The following CACNA1C variants were observed in gnomAD, a reference collection of about 807,000 sequenced individuals.
CACNA1C encodes the protein voltage-dependent L-type calcium channel subunit alpha-1C.
CACNA1C carries 30 observed loss-of-function variants against 229.0 expected under a neutral mutation model. That is an observed-to-expected ratio of 0.13 (90% CI 0.10 to 0.18). The LOEUF (loss-of-function observed/expected upper bound fraction) is 0.18. Among genes scored for constraint, CACNA1C ranks in the 10% least tolerant of loss-of-function variants. The pLI is 1.00. For synonymous variants in CACNA1C, 1,114 were observed against 1,132.5 expected (o/e 0.98, Z 0.33); for missense variants, 1,658 against 2,845.0 (o/e 0.58, Z 9.49).
intron 3 of CACNA1C, among the ~76,000 whole-genome samples, chr12:2,401,397 C>G (rs538141436): frequency 2.0e-5 from 3 of 152,260 alleles, no homozygotes; most frequent in African/African-American, 7.2e-5. Context: ...ATTTCACACC[C>G]TTGTGACAAA....
At position 2,383,790 on chromosome 12, in the gene CACNA1C, G is replaced by A. The variant is rs148664824; in HGVS notation, c.478-65186G>A. Among the ~76,000 whole-genome samples the A allele has an allele frequency of 2.0e-3, 302 of 152,318 alleles. 2 individuals are homozygous for A. The highest frequency in any genetic ancestry group is 7.0e-3 in the African/African-American group (292 of 41,580). On this transcript the variant is annotated intron_variant, in intron 3 of 46. Coordinates refer to ENST00000399655, the MANE Select transcript of CACNA1C (RefSeq NM_000719.7). ...CAGTGAGAAGCCAGTGCAAGACAACGCCCTGCAGAATGGGCCAGAGGGCAG... is the reference window on the plus strand; with the variant it reads ...CAGTGAGAAGCCAGTGCAAGACAACACCCTGCAGAATGGGCCAGAGGGCAG...
In CACNA1C at chr12:2,691,834, C is replaced by G. The variant is rs2097792241; in HGVS notation, c.*635C>G. ...CGGCCAGCCGCCGGCCCGCAGGCAGCGCGAGGGAGGAGCTGCGCCGCCGGC... is the reference window on the plus strand; with the variant it reads ...CGGCCAGCCGCCGGCCCGCAGGCAGGGCGAGGGAGGAGCTGCGCCGCCGGC... On this transcript the variant is annotated 3_prime_UTR_variant, in exon 47 of 47. Coordinates refer to ENST00000399655, the MANE Select transcript of CACNA1C (RefSeq NM_000719.7). 1.5e-5 allele frequency: 1 copy of G among 67,540 alleles called. No homozygotes were observed. Among genetic ancestry groups the G allele is most frequent in the Non-Finnish European group, 3.1e-5 (1 of 31,980 alleles). 4.2% of individuals were successfully genotyped at this position (67,540 alleles called of 1,614,324 possible).
rs2096915956 is a variant in CACNA1C, at chr12:2,678,120, T to A, written c.5091+253T>A. On this transcript the variant is annotated intron_variant, in intron 41 of 46. Transcript: ENST00000399655. This position sits in a 1 kb window ranked among gnomAD's most constrained non-coding sequence, Gnocchi z 4.1. Reference sequence around the variant, plus strand: ...CTCAGAGAAGCGGGAAGGAACCGCCTTCCTAAGGGAAATGTTTCCTAGGAG... The same window carrying A: ...CTCAGAGAAGCGGGAAGGAACCGCCATCCTAAGGGAAATGTTTCCTAGGAG... Among the ~76,000 whole-genome samples, 1 of 152,206 alleles carries A rather than the reference T, an allele frequency of 6.6e-6. No individual in the cohort carries two copies. Among genetic ancestry groups the A allele is most frequent in the South Asian group, 2.1e-4 (1 of 4,834 alleles).
intron 3 of CACNA1C, among the ~76,000 whole-genome samples, chr12:2,303,011 C>A (rs918397003): frequency 5.9e-5 from 9 of 152,196 alleles, no homozygotes; most frequent in Non-Finnish European, 8.8e-5. Flanking sequence ...AAGTGGGGAG[C>A]CCAAGAGCAG....
intron 3 of CACNA1C, among the ~76,000 whole-genome samples, chr12:2,330,362 C>T (rs1280441476): frequency 1.3e-5 from 2 of 152,176 alleles, no homozygotes; most frequent in African/African-American, 2.4e-5. Context: ...GAGAAATAAA[C>T]AAGTTAACAT....
At chr12:2,430,789 G>A (rs73042126) in intron 3 of CACNA1C, among the ~76,000 whole-genome samples, 5,793 of 152,182 alleles carry the variant, frequency 0.038, 136 homozygotes, top group East Asian at 0.083. Context: ...GTTCCCTGCA[G>A]TCCTCAACAT....
intron 3 of CACNA1C, among the ~76,000 whole-genome samples, chr12:2,241,426 T>C (rs1282062478): frequency 1.3e-5 from 2 of 152,114 alleles, no homozygotes; most frequent in Non-Finnish European, 2.9e-5. Context: ...CCTCCCCCCT[T>C]GTCCCAGAGT....
intron 1 of CACNA1C, among the ~76,000 whole-genome samples, chr12:1,983,246 T>C (rs964405032): frequency 6.6e-6 from 1 of 151,886 alleles, no homozygotes. Flanking sequence ...TTTTATCTCA[T>C]TGATTTCTCT....
intron 1 of CACNA1C, among the ~76,000 whole-genome samples, chr12:1,987,969 T>C (rs1040023142): frequency 3.3e-5 from 5 of 152,170 alleles, no homozygotes; most frequent in African/African-American, 1.2e-4. Context: ...AAACTATCAG[T>C]TGTAAATTTT....
chr12:2,326,444 T>G (rs1219567579), intron 3 of CACNA1C, among the ~76,000 whole-genome samples: 2 of 152,232 alleles, frequency 1.3e-5, no homozygotes, highest in Admixed American at 6.5e-5. Context: ...AGACCACACT[T>G]TGAGAAGTAC....
In CACNA1C at chr12:2,605,729, G is replaced by A; in HGVS notation, c.3099G>A (p.Val1033=). The change falls in exon 24 of 47, where the codon GTG becomes GTA. Residue 1033 remains valine, a synonymous_variant. Coordinates refer to ENST00000399655, the MANE Select transcript of CACNA1C (RefSeq NM_000719.7). This position sits in a 1 kb window ranked among gnomAD's most constrained non-coding sequence, Gnocchi z 6.2. The stretch of plus-strand genomic sequence containing the variant: ...CCATCCGGACCATCGGGAACATCGT[G>A]ATTGTCACCACCCTGCTGCAGTTCA... ...FVAIRTIGNI[V]IVTTLLQFMF... 1.9e-6 allele frequency: 3 copies of A among 1,614,084 alleles called. No individual in the cohort carries two copies. Among genetic ancestry groups the A allele is most frequent in the Non-Finnish European group, 2.5e-6 (3 of 1,179,956 alleles).
chr12:2,404,533 G>A (rs1413969353), intron 3 of CACNA1C, among the ~76,000 whole-genome samples: 1 of 152,174 alleles, frequency 6.6e-6, no homozygotes, highest in African/African-American at 2.4e-5. Flanking sequence ...CAGACGATTT[G>A]TTGGAAGGCA....
intron 3 of CACNA1C, among the ~76,000 whole-genome samples, chr12:2,323,838 G>A (rs1290911261): frequency 6.6e-6 from 1 of 152,120 alleles, no homozygotes; most frequent in Non-Finnish European, 1.5e-5. Context: ...GGGGGAGGGG[G>A]TTGGGGCAGG....
chr12:2,347,053 G>A (rs756936382), intron 3 of CACNA1C, among the ~76,000 whole-genome samples: 5 of 152,108 alleles, frequency 3.3e-5, no homozygotes, highest in Non-Finnish European at 5.9e-5. Context: ...GGATCACACC[G>A]CAGTTTTAGC....
At chr12:2,314,525 C>G (rs1427652821) in intron 3 of CACNA1C, among the ~76,000 whole-genome samples, 2 of 152,198 alleles carry the variant, frequency 1.3e-5, no homozygotes, top group African/African-American at 4.8e-5. Context: ...CCCCAGGAAC[C>G]ACTGCCCTGA....
chr12:2,430,041 C>G lies in CACNA1C; in HGVS notation c.478-18935C>G, dbSNP rs368856611. ...GGTTGGGAAGTCCAAGATCAAGGTGCTGGCAGACTTGGTGTCTGGTGAGGG... is the reference window on the plus strand; with the variant it reads ...GGTTGGGAAGTCCAAGATCAAGGTGGTGGCAGACTTGGTGTCTGGTGAGGG... On this transcript the variant is annotated intron_variant, in intron 3 of 46. Transcript: ENST00000399655. Among the ~76,000 whole-genome samples the G allele has an allele frequency of 9.8e-5, 15 of 152,310 alleles. No homozygotes were observed. The East Asian group carries it at 1.7e-3, about 18-fold the overall frequency.
intron 3 of CACNA1C, among the ~76,000 whole-genome samples, chr12:2,313,675 G>A (rs1158608805): frequency 6.6e-6 from 1 of 152,128 alleles, no homozygotes; most frequent in East Asian, 1.9e-4. Context: ...CTCTAATGTG[G>A]ACACATGCTG....
At chr12:2,648,649 G>A (rs1188881516) in intron 31 of CACNA1C, 142 bp downstream of exon 31, 4 of 734,194 alleles carry the variant, frequency 5.4e-6, no homozygotes, top group Middle Eastern at 2.8e-4. Context: ...CGTGTGCCTT[G>A]CCTGCCTGTT....
intron 3 of CACNA1C, among the ~76,000 whole-genome samples, chr12:2,390,071 A>T (rs945679004): frequency 6.6e-6 from 1 of 152,230 alleles, no homozygotes; most frequent in African/African-American, 2.4e-5. Context: ...TTGAGGGGTT[A>T]TTTGACCCAT....
Sources: gnomAD v4.1 joint callset for allele counts (sites outside exome capture counted in the v4.1 genomes callset) on GRCh38, gnomAD v4.1.1 for gene constraint, Gnocchi (gnomAD v3.1) non-coding constraint, MANE v1.5 for transcripts, NCBI Gene and HGNC (gene_info 2026-07-23, HGNC 2026-07-21) for gene names.